The following MEGF11 variants were observed in gnomAD, a reference collection of about 807,000 sequenced individuals.
MEGF11 encodes the protein multiple EGF like domains 11.
MEGF11 carries 126 observed loss-of-function variants against 146.6 expected under a neutral mutation model. The observed-to-expected ratio is 0.86, with a 90% CI of 0.74 to 1.00. MEGF11 has a LOEUF of 1.00. Among genes scored for constraint, MEGF11 ranks in the 50% least tolerant of loss-of-function variants. The pLI, the probability that MEGF11 is intolerant of heterozygous loss-of-function variation, is 0.00. For missense variants in MEGF11, 1,509 were observed against 1,521.2 expected (o/e 0.99, Z 0.13); for synonymous variants, 532 against 583.4 (o/e 0.91, Z 1.27).
chr15:66,094,153 C>T (rs562339304), intron 5 of MEGF11, among the ~76,000 whole-genome samples: 1 of 152,264 alleles, frequency 6.6e-6, no homozygotes, highest in South Asian at 2.1e-4. Context: ...TCAGAGTTGT[C>T]CAGATGATCC....
chr15:65,934,880 C>G (rs1336947954), intron 10 of MEGF11, among the ~76,000 whole-genome samples: 1 of 152,224 alleles, frequency 6.6e-6, no homozygotes, highest in Admixed American at 6.5e-5. Context: ...ATGTCTTGCA[C>G]TCTGCATCTT....
intron 5 of MEGF11, among the ~76,000 whole-genome samples, chr15:66,092,700 G>A (rs2086367829): frequency 6.6e-6 from 1 of 152,100 alleles, no homozygotes; most frequent in Non-Finnish European, 1.5e-5. Flanking sequence ...CCCTCCCCAC[G>A]GCCCAGCACA....
chr15:66,226,362 C>T (rs1269414268), intron 1 of MEGF11, among the ~76,000 whole-genome samples: 1 of 152,100 alleles, frequency 6.6e-6, no homozygotes, highest in Non-Finnish European at 1.5e-5. Flanking sequence ...ATTCTCCTGC[C>T]TCAGCCTCCC....
chr15:66,194,835 T>C (rs1337557844), intron 1 of MEGF11, among the ~76,000 whole-genome samples: 1 of 152,030 alleles, frequency 6.6e-6, no homozygotes. Context: ...ATAACTAACA[T>C]AAAAATTAAA....
Position 65,955,755 on chromosome 15 carries a change from A to AT in MEGF11, c.1287+1791_1287+1792insA, listed in dbSNP as rs1567174814. 2.1e-3 allele frequency among the ~76,000 whole-genome samples: 29 copies of AT among 13,848 alleles called. 3 individuals are homozygous for AT. Among genetic ancestry groups the AT allele is most frequent in the Non-Finnish European group, 3.2e-3 (18 of 5,552 alleles). 9.1% of individuals were successfully genotyped at this position (13,848 alleles called of 152,430 possible). On this transcript the variant is annotated intron_variant, in intron 10 of 25. Coordinates refer to ENST00000395614, the MANE Select transcript of MEGF11 (RefSeq NM_001385028.1). ...TGAGACTCTTAAAAAAAAAAAAAAA[A>AT]AAAAAAATATATATATATATATATA...
At position 65,982,943 on chromosome 15, in the gene MEGF11, C is replaced by A. The variant is rs930461118; in HGVS notation, c.395-455G>T. On this transcript the variant is annotated intron_variant, in intron 5 of 25. Transcript: ENST00000395614. This position sits in a 1 kb window ranked among gnomAD's most constrained non-coding sequence, Gnocchi z 5.6. ...CCTACCCCTCTCTTCTTGGGACCTG[C>A]GGGACCCAGCCCATTCCAGCTCCCA... 1.3e-5 allele frequency among the ~76,000 whole-genome samples: 2 copies of A among 152,070 alleles called. No homozygotes were observed. Among genetic ancestry groups the A allele is most frequent in the Non-Finnish European group, 2.9e-5 (2 of 68,008 alleles).
chr15:66,180,653 C>T (rs1179774544), intron 1 of MEGF11, among the ~76,000 whole-genome samples: 1 of 152,186 alleles, frequency 6.6e-6, no homozygotes, highest in African/African-American at 2.4e-5. Flanking sequence ...AATGTGAGAG[C>T]GGTAATCCAT....
chr15:66,229,587 C>T (rs894401877), intron 1 of MEGF11, among the ~76,000 whole-genome samples: 1 of 152,200 alleles, frequency 6.6e-6, no homozygotes, highest in Non-Finnish European at 1.5e-5. Context: ...GACTGAAATT[C>T]CATCTCCTAC....
rs1051471135 is a variant in MEGF11, at chr15:66,119,037, C to T, written c.301+49G>A. 1.7e-5 allele frequency: 22 copies of T among 1,333,240 alleles called. No individual in the cohort carries two copies. In the Admixed American group the frequency reaches 4.2e-4, roughly 25 times the overall value. The allele number at this position is 1,333,240 out of a possible 1,614,324, so 82.6% of individuals were successfully genotyped here. A position where few individuals can be genotyped will look rare whatever the true frequency, so the allele number is the denominator to read the frequency against. Reference sequence around the variant, plus strand: ...CTCCCCTCCCCTCCCCTCCTTTTGCCTCTCCTCCCTTCCCCACTGAGGGCA... The same window carrying T: ...CTCCCCTCCCCTCCCCTCCTTTTGCTTCTCCTCCCTTCCCCACTGAGGGCA... On this transcript the variant is annotated intron_variant, in intron 4 of 25. Transcript: ENST00000395614.
At chr15:65,994,021 G>T (rs995073723) in intron 5 of MEGF11, among the ~76,000 whole-genome samples, 1 of 152,198 alleles carries the variant, frequency 6.6e-6, no homozygotes, top group African/African-American at 2.4e-5. Flanking sequence ...GTTGGGCTGT[G>T]ACAGGGGCCC....
Position 66,209,180 on chromosome 15 carries a change from C to T in MEGF11, c.-9+44425G>A, listed in dbSNP as rs150092702. ...CCTGGCTAACACGGTGAAACCCCAT[C>T]GCTACTAAAAATACAAAAAATTAGC... is the stretch of plus-strand genomic sequence containing the variant. On this transcript the variant is annotated intron_variant, in intron 1 of 25. Transcript: ENST00000395614. Among the ~76,000 whole-genome samples the T allele has an allele frequency of 3.7e-3, 569 of 152,108 alleles. 4 individuals are homozygous for T. Among genetic ancestry groups the T allele is most frequent in the African/African-American group, 0.013 (549 of 41,496 alleles).
At chr15:65,938,640 C>A (rs1413458989) in intron 10 of MEGF11, among the ~76,000 whole-genome samples, 1 of 152,162 alleles carries the variant, frequency 6.6e-6, no homozygotes, top group Non-Finnish European at 1.5e-5. Flanking sequence ...TCTGTGAATG[C>A]AGAATGAATG....
rs79391209 is a variant in MEGF11 at position 66,132,825 on chromosome 15, G to A, written c.-8-4414C>T. The stretch of plus-strand genomic sequence containing the variant: ...CCTTGGCTCTTCCTTCTGGACCCTA[G>A]GACCTAAGGATTATTTCCTTCCCCT... On this transcript the variant is annotated intron_variant, in intron 1 of 25. Transcript: ENST00000395614. Among the ~76,000 whole-genome samples the A allele has an allele frequency of 1.6e-3, 239 of 152,166 alleles. 1 individual carries two copies. Among genetic ancestry groups the A allele is most frequent in the African/African-American group, 5.3e-3 (219 of 41,500 alleles).
intron 1 of MEGF11, among the ~76,000 whole-genome samples, chr15:66,235,271 G>A (rs2140216779): frequency 6.6e-6 from 1 of 152,322 alleles, no homozygotes; most frequent in Non-Finnish European, 1.5e-5. Flanking sequence ...GGGAGGCTGA[G>A]GAGGAGGATT....
rs559353439 is a variant in MEGF11, at chr15:65,978,107, G to A, written c.762+2671C>T. 3.9e-5 allele frequency among the ~76,000 whole-genome samples: 6 copies of A among 152,380 alleles called. No homozygotes were observed. In the South Asian group the frequency reaches 1.2e-3, roughly 32 times the overall value. On this transcript the variant is annotated intron_variant, in intron 7 of 25. Transcript: ENST00000395614. ...GAGTTCCTAGCAGCTCCTCTCTCCA[G>A]TTCCACACAATGGCCTGGGTCTTTG... is the stretch of plus-strand genomic sequence containing the variant.
chr15:66,198,685 C>T (rs1049996204), intron 1 of MEGF11, among the ~76,000 whole-genome samples: 8 of 152,104 alleles, frequency 5.3e-5, no homozygotes, highest in Non-Finnish European at 1.2e-4. Context: ...GGGGTTTCAT[C>T]ATGTTGCCCA....
chr15:66,068,756 T>G (rs1269079071), intron 5 of MEGF11, among the ~76,000 whole-genome samples: 1 of 151,938 alleles, frequency 6.6e-6, no homozygotes, highest in Non-Finnish European at 1.5e-5. Flanking sequence ...TCAGGGGAGG[T>G]CATACTGAAA....
At chr15:66,150,823 C>CGAGAGAGAGAGAGA (rs66595752) in intron 1 of MEGF11, among the ~76,000 whole-genome samples, 9 of 104,360 alleles carry the variant, frequency 8.6e-5, no homozygotes, top group Middle Eastern at 4.6e-3. Context: ...AATGCCCTGT[C>CGAGAGAGAGAGAGA]GAGAGAGAGA....
chr15:66,049,699 A>G (rs1057037272), intron 5 of MEGF11, among the ~76,000 whole-genome samples: 4 of 152,012 alleles, frequency 2.6e-5, no homozygotes, highest in Non-Finnish European at 5.9e-5. Flanking sequence ...GCATCCTTAC[A>G]CCCTCTCTCT....
Sources: gnomAD v4.1 joint callset for allele counts (sites outside exome capture counted in the v4.1 genomes callset) on GRCh38, gnomAD v4.1.1 for gene constraint, Gnocchi (gnomAD v3.1) non-coding constraint, MANE v1.5 for transcripts, NCBI Gene and HGNC (gene_info 2026-07-23, HGNC 2026-07-21) for gene names.